The following FILIP1 variants were observed in gnomAD, a reference collection of about 807,000 sequenced individuals.
FILIP1 encodes filamin A interacting protein 1.
Under a neutral mutation model 102.1 loss-of-function variants are expected in FILIP1, and 61 were observed. The observed-to-expected ratio is 0.60, with a 90% confidence interval of 0.49 to 0.74. The LOEUF (loss-of-function observed/expected upper bound fraction) is 0.74, where lower values mean the gene tolerates loss of function less well. Among genes scored for constraint, FILIP1 ranks in the 30% least tolerant of loss-of-function variants. FILIP1 has a pLI of 0.00. For missense variants in FILIP1, 1,314 were observed against 1,441.2 expected, an observed-to-expected ratio of 0.91 and a Z score of 1.43; for synonymous variants, 491 against 526.9, an observed-to-expected ratio of 0.93 and a Z score of 0.93.
At chr6:75,446,428 G>A (rs1354174743) in intron 1 of FILIP1, among the ~76,000 whole-genome samples, 1 of 152,134 alleles carries the variant, frequency 6.6e-6, no homozygotes, top group African/African-American at 2.4e-5. Context: ...CCTCTTGCAT[G>A]TTTAGCCTAA....
At chr6:75,421,265 G>GGAAA (rs1777454391) in intron 1 of FILIP1, among the ~76,000 whole-genome samples, 1 of 152,124 alleles carries the variant, frequency 6.6e-6, no homozygotes, top group Admixed American at 6.6e-5. Flanking sequence ...TTTGCAGGAT[G>GGAAA]GAAAGTGGTT....
intron 6 of FILIP1, among the ~76,000 whole-genome samples, chr6:75,297,453 G>C (rs1772713483): frequency 6.6e-6 from 1 of 152,064 alleles, no homozygotes; most frequent in Admixed American, 6.5e-5. Context: ...AGAAAGCCAA[G>C]TAAGATGAAC....
At chr6:75,355,547 CACAAG>C (rs1231491575) in intron 3 of FILIP1, among the ~76,000 whole-genome samples, 6 of 151,860 alleles carry the variant, frequency 4.0e-5, no homozygotes, top group Admixed American at 2.0e-4. Flanking sequence ...AATTACAGGG[CACAAG>C]TCATCACGTC....
At chr6:75,342,278 C>T (rs1182905837) in intron 4 of FILIP1, among the ~76,000 whole-genome samples, 1 of 152,150 alleles carries the variant, frequency 6.6e-6, no homozygotes, top group Non-Finnish European at 1.5e-5. Flanking sequence ...TCAGATAATC[C>T]TCTGAAGGTC....
At chr6:75,405,503 A>C (rs1482559395) in intron 2 of FILIP1, among the ~76,000 whole-genome samples, 1 of 152,252 alleles carries the variant, frequency 6.6e-6, no homozygotes, top group Non-Finnish European at 1.5e-5. Flanking sequence ...ACTTCCCTTC[A>C]CTTTGTTATA....
At chr6:75,467,329 C>T (rs1779197469) in intron 1 of FILIP1, among the ~76,000 whole-genome samples, 1 of 152,140 alleles carries the variant, frequency 6.6e-6, no homozygotes, top group South Asian at 2.1e-4. Context: ...CATCATCATA[C>T]ATAACGTAAT....
chr6:75,470,367 A>G (rs1306490180), intron 1 of FILIP1, among the ~76,000 whole-genome samples: 1 of 152,172 alleles, frequency 6.6e-6, no homozygotes, highest in Non-Finnish European at 1.5e-5. Context: ...CAGACTCACA[A>G]ACAGAAAATT....
chr6:75,421,641 T>C (rs986550381), intron 1 of FILIP1, among the ~76,000 whole-genome samples: 2 of 152,162 alleles, frequency 1.3e-5, no homozygotes, highest in Non-Finnish European at 2.9e-5. Context: ...TGACTTCCTC[T>C]GCTAAACTCC....
chr6:75,301,037 G>C (rs1772823909), intron 6 of FILIP1, among the ~76,000 whole-genome samples: 1 of 152,180 alleles, frequency 6.6e-6, no homozygotes, highest in Non-Finnish European at 1.5e-5. Context: ...AAATAGGTAA[G>C]TATTTGAGCA....
chr6:75,426,541 G>A (rs1033700443), intron 1 of FILIP1, among the ~76,000 whole-genome samples: 6 of 152,142 alleles, frequency 3.9e-5, no homozygotes, highest in Non-Finnish European at 8.8e-5. Flanking sequence ...AAAAGTGGAA[G>A]GTAGCTTGGA....
At chr6:75,310,890 G>A (rs1157290491) in intron 5 of FILIP1, among the ~76,000 whole-genome samples, 1 of 152,182 alleles carries the variant, frequency 6.6e-6, no homozygotes, top group Admixed American at 6.5e-5. Flanking sequence ...TCACACTTTG[G>A]AGCCTGCCTC....
At chr6:75,491,628 G>T (rs1779960945) in intron 1 of FILIP1, among the ~76,000 whole-genome samples, 1 of 152,136 alleles carries the variant, frequency 6.6e-6, no homozygotes, top group African/African-American at 2.4e-5. Flanking sequence ...TGGTAAAGGG[G>T]AAAGGGACAG....
chr6:75,480,786 T>C (rs1779630387), intron 1 of FILIP1, among the ~76,000 whole-genome samples: 1 of 152,234 alleles, frequency 6.6e-6, no homozygotes, highest in Admixed American at 6.5e-5. Context: ...AGGAATTTTC[T>C]AGCCTGCAAG....
chr6:75,433,633 C>T (rs1044615552), intron 1 of FILIP1, among the ~76,000 whole-genome samples: 25 of 152,172 alleles, frequency 1.6e-4, no homozygotes, highest in Non-Finnish European at 2.8e-4. Context: ...TGCCTGTTCA[C>T]TCTGAGGATA....
chr6:75,433,170 TATA>T (rs1228741894), intron 1 of FILIP1, among the ~76,000 whole-genome samples: 1 of 152,256 alleles, frequency 6.6e-6, no homozygotes, highest in East Asian at 1.9e-4. Flanking sequence ...CAGCATGATT[TATA>T]ATCCTTTGGG....
At chr6:75,412,893 T>A (rs1777125575) in intron 2 of FILIP1, among the ~76,000 whole-genome samples, 1 of 152,184 alleles carries the variant, frequency 6.6e-6, no homozygotes, top group African/African-American at 2.4e-5. Flanking sequence ...ATAAATGATG[T>A]CTTGCACTTT....
At chr6:75,413,563 A>G (rs544358782) in intron 2 of FILIP1, among the ~76,000 whole-genome samples, 2 of 152,208 alleles carry the variant, frequency 1.3e-5, no homozygotes, top group South Asian at 4.2e-4. Flanking sequence ...ACAGATGATA[A>G]CAGGAACAGA....
At chr6:75,332,715 G>T (rs1414538682) in intron 4 of FILIP1, among the ~76,000 whole-genome samples, 1 of 152,162 alleles carries the variant, frequency 6.6e-6, no homozygotes, top group Non-Finnish European at 1.5e-5. Flanking sequence ...CAGTATGAGG[G>T]TCTCCCATGT....
At chr6:75,431,370 C>T (rs1314032101) in intron 1 of FILIP1, among the ~76,000 whole-genome samples, 2 of 152,122 alleles carry the variant, frequency 1.3e-5, no homozygotes, top group Admixed American at 1.3e-4. Flanking sequence ...TTTGTTGACA[C>T]TTTATTTTCA....
Sources: allele counts gnomAD v4.1 joint callset (sites outside exome capture counted in the v4.1 genomes callset), GRCh38; gene constraint gnomAD v4.1.1; transcripts MANE v1.5; gene names NCBI Gene and HGNC (gene_info 2026-07-23, HGNC 2026-07-21).